Variants in FCRL1 observed in about 807,000 individuals in gnomAD.
FCRL1 encodes the protein Fc receptor-like protein 1.
In FCRL1, 34 loss-of-function variants were observed where a neutral mutation model predicts 49.2. The ratio of observed to expected loss-of-function variants is 0.69; its 90% CI spans 0.53 to 0.92. The LOEUF is 0.92. Ranked by LOEUF, FCRL1 falls within the 40% of genes least tolerant of loss-of-function variation. The pLI is 0.00. For synonymous variants in FCRL1, 218 were observed against 201.6 expected, an observed-to-expected ratio of 1.08 and a Z score of -0.69; for missense variants, 524 against 524.1, an observed-to-expected ratio of 1.00 and a Z score of 0.00.
intron 7 of FCRL1, among the ~76,000 whole-genome samples, chr1:157,799,841 A>G (rs1175432276): frequency 6.6e-6 from 1 of 152,146 alleles, no homozygotes; most frequent in Non-Finnish European, 1.5e-5. Context: ...GGGGATCAAC[A>G]GGAAAAATAA....
intron 9 of FCRL1, chr1:157,797,626 T>G (rs1651730786): frequency 1.0e-6 from 1 of 977,922 alleles, no homozygotes; most frequent in Non-Finnish European, 1.5e-6. Flanking sequence ...TTGCTCTTTC[T>G]AAGTGACTAT....
rs1458071816 is a variant in FCRL1 at position 157,795,076 on chromosome 1, C to T, written c.*1023G>A. On this transcript the variant is annotated 3_prime_UTR_variant, in exon 11 of 11. Transcript: ENST00000368176. Reference sequence around the variant, plus strand: ...AGACTTTAACTTTTTACTTTATATACCTCCAAATGTTTATTAATTCATAAG... The same window carrying T: ...AGACTTTAACTTTTTACTTTATATATCTCCAAATGTTTATTAATTCATAAG... 1.3e-5 allele frequency: 2 copies of T among 152,120 alleles called. No individual in the cohort carries two copies. The highest frequency in any genetic ancestry group is 4.8e-5 in the African/African-American group (2 of 41,422). 9.4% of individuals were successfully genotyped at this position (152,120 alleles called of 1,614,324 possible).
chr1:157,797,617 TG>T, intron 9 of FCRL1: 1 of 825,914 alleles, frequency 1.2e-6, no homozygotes, highest in Non-Finnish European at 1.9e-6. Flanking sequence ...ATGGGATTTT[TG>T]CTCTTTCTAA....
At position 157,804,068 on chromosome 1, in the gene FCRL1, G is replaced by A. The variant is rs1652982114; in HGVS notation, c.96C>T (p.Ser32=). The A allele has an allele frequency of 1.2e-6, 2 of 1,614,170 alleles. No individual in the cohort carries two copies. Among genetic ancestry groups the A allele is most frequent in the South Asian group, 2.2e-5 (2 of 91,068 alleles). The change falls in exon 3 of 11, where the codon AGC becomes AGT. Residue 32 remains serine (S), a synonymous_variant. Coordinates refer to ENST00000368176, the MANE Select transcript of FCRL1 (RefSeq NM_052938.5). ...IASPSHPTEG[S]PVTLTCKMPF... is the part of the protein sequence containing the mutation. ...GCATCTTACACGTCAGGGTCACTGG[G>A]CTCCCCTCTGTGGGATGGGAGGGGC...
intron 1 of FCRL1, 68 bp from the exon 2 acceptor site, chr1:157,807,190 T>A: frequency 6.4e-7 from 1 of 1,557,154 alleles, no homozygotes; most frequent in Non-Finnish European, 8.8e-7. Context: ...GTTTAAATCC[T>A]TTGAGAGCTT....
chr1:157,798,079 G>C, intron 8 of FCRL1, 82 bp downstream of exon 8: 1 of 1,525,366 alleles, frequency 6.6e-7, no homozygotes, highest in Non-Finnish European at 9.0e-7. Context: ...GCAAAGTCAG[G>C]TTTGGCTAGC....
Position 157,804,099 on chromosome 1 carries a change from A to T in FCRL1, c.65T>A (p.Ile22Lys). 6.2e-7 allele frequency: 1 copy of T among 1,614,158 alleles called. No individual in the cohort carries two copies. The highest frequency in any genetic ancestry group is 8.5e-7 in the Non-Finnish European group (1 of 1,180,016). ...PLCEPAELFL[I>K]ASPSHPTEGS... Reference sequence around the variant, plus strand: ...CTCTGTGGGATGGGAGGGGCTGGCTATCAAAAACAGCTCTAGAGAGAGGAA... The same window carrying T: ...CTCTGTGGGATGGGAGGGGCTGGCTTTCAAAAACAGCTCTAGAGAGAGGAA... Residue 22 changes from isoleucine (I) to lysine (K), a missense_variant, in exon 3 of 11, where the codon ATA becomes AAA. Physicochemically the swap from Ile to Lys is moderately radical, Grantham distance 102. Coordinates refer to ENST00000368176, the MANE Select transcript of FCRL1 (RefSeq NM_052938.5).
At chr1:157,799,846 A>G (rs1652145654) in intron 7 of FCRL1, among the ~76,000 whole-genome samples, 2 of 152,160 alleles carry the variant, frequency 1.3e-5, no homozygotes, top group Admixed American at 6.5e-5. Flanking sequence ...TCAACAGGAA[A>G]AATAATGAAA....
At chr1:157,806,087 G>A (rs1420738358) in intron 2 of FCRL1, among the ~76,000 whole-genome samples, 9 of 152,134 alleles carry the variant, frequency 5.9e-5, no homozygotes, top group Non-Finnish European at 1.2e-4. Context: ...ACAGAAACTT[G>A]GTTTCTTCAT....
intron 2 of FCRL1, 45 bp downstream of exon 2, chr1:157,807,057 C>G (rs764460273): frequency 4.3e-6 from 7 of 1,612,278 alleles, no homozygotes; most frequent in African/African-American, 4.0e-5. Flanking sequence ...ACCTAAGTAA[C>G]AAAATACCCA....
At chr1:157,817,455 A>G (rs1304269013) in intron 1 of FCRL1, among the ~76,000 whole-genome samples, 1 of 152,048 alleles carries the variant, frequency 6.6e-6, no homozygotes, top group African/African-American at 2.4e-5. Flanking sequence ...AAATAGTATT[A>G]AGAAAACTGG....
rs1357978108 is a variant in FCRL1 at position 157,803,921 on chromosome 1, T to C, written c.243A>G (p.Thr81=). 2 of 1,614,218 alleles carry C rather than the reference T, an allele frequency of 1.2e-6. No homozygotes were observed. The highest frequency in any genetic ancestry group is 1.6e-4 in the Middle Eastern group (1 of 6,062). ...TCTGTGCCTCGCACCAGTATGACCC[T>C]GTGTCTTCTTTCCACATGGCAGCGA... The part of the protein sequence containing the change: ...LQIAAMWKED[T]GSYWCEAQTM... Residue 81 remains threonine, a synonymous_variant, in exon 3 of 11, where the codon ACA becomes ACG. Coordinates refer to ENST00000368176, the MANE Select transcript of FCRL1 (RefSeq NM_052938.5).
chr1:157,804,192 A>T (rs1280129682), intron 2 of FCRL1, 81 bp from the exon 3 acceptor site: 4 of 1,538,096 alleles, frequency 2.6e-6, no homozygotes, highest in Non-Finnish European at 3.5e-6. Context: ...AGCACTTGCC[A>T]ACAAGACTCA....
intron 1 of FCRL1, among the ~76,000 whole-genome samples, chr1:157,816,351 T>G (rs367745090): frequency 6.6e-6 from 1 of 151,842 alleles, no homozygotes; most frequent in African/African-American, 2.4e-5. Flanking sequence ...AAAAACCACA[T>G]GATCAATACA....
At chr1:157,811,583 A>G (rs1654323657) in intron 1 of FCRL1, among the ~76,000 whole-genome samples, 1 of 152,176 alleles carries the variant, frequency 6.6e-6, no homozygotes, top group Admixed American at 6.5e-5. Flanking sequence ...TGGAGTTCAT[A>G]TGGCTGCATT....
At chr1:157,796,318 C>G (rs751325210) in intron 10 of FCRL1, 148 bp from the exon 11 acceptor site, 1 of 672,186 alleles carries the variant, frequency 1.5e-6, no homozygotes, top group Non-Finnish European at 2.6e-6. Flanking sequence ...GGTCCAAGGC[C>G]AGCATTTTTA....
rs267598090 is a variant in FCRL1 at position 157,798,213 on chromosome 1, G to A, written c.1062C>T (p.Phe354=). The part of the protein sequence containing the change: ...RSLPSPLPQE[F]TYLNSPTPGQ... Reference sequence around the variant, plus strand: ...CTGGGGTAGGTGAGTTGAGGTAGGTGAACTCTTGGGGTAGAGGGCTGGGAA... The same window carrying A: ...CTGGGGTAGGTGAGTTGAGGTAGGTAAACTCTTGGGGTAGAGGGCTGGGAA... Residue 354 remains phenylalanine (F), a synonymous_variant, in exon 8 of 11, where the codon TTC becomes TTT. Transcript: ENST00000368176. The A allele has an allele frequency of 6.2e-7, 1 of 1,612,964 alleles. No homozygotes were observed. The highest frequency in any genetic ancestry group is 1.7e-5 in the Admixed American group (1 of 59,822).
intron 7 of FCRL1, among the ~76,000 whole-genome samples, chr1:157,799,155 C>T (rs1652020675): frequency 6.6e-6 from 1 of 152,130 alleles, no homozygotes; most frequent in African/African-American, 2.4e-5. Flanking sequence ...CGTGCATCAC[C>T]ACGTCCAGCT....
At chr1:157,807,733 A>G (rs1029113329) in intron 1 of FCRL1, among the ~76,000 whole-genome samples, 4 of 152,210 alleles carry the variant, frequency 2.6e-5, no homozygotes, top group African/African-American at 9.7e-5. Flanking sequence ...CCATAATATT[A>G]TGGCTCAATG....
Sources: gnomAD v4.1 joint callset for allele counts (sites outside exome capture counted in the v4.1 genomes callset) on GRCh38, gnomAD v4.1.1 for gene constraint, MANE v1.5 for transcripts, NCBI Gene and HGNC (gene_info 2026-07-23, HGNC 2026-07-21) for gene names.